ARHGEF10: variants seen among roughly 807,000 people sequenced by gnomAD.
ARHGEF10 encodes the protein Rho guanine nucleotide exchange factor (GEF) 10.
ARHGEF10 carries 140 observed loss-of-function variants against 147.4 expected under a neutral mutation model. The observed-to-expected ratio is 0.95, with a 90% confidence interval of 0.83 to 1.09. ARHGEF10 has a LOEUF of 1.09. Among genes scored for constraint, ARHGEF10 ranks in the 50% least tolerant of loss-of-function variants. ARHGEF10 has a pLI of 0.00. For missense variants in ARHGEF10, 2,222 were observed against 1,752.7 expected (o/e 1.27, Z -4.78); for synonymous variants, 902 against 695.8 (o/e 1.30, Z -4.67).
At position 1,923,419 on chromosome 8, in the gene ARHGEF10, C is replaced by T. The variant is rs780617536; in HGVS notation, c.2260-49C>T. The T allele has an allele frequency of 4.3e-6, 7 of 1,612,970 alleles. No homozygotes were observed. In the African/African-American group the frequency reaches 9.4e-5, roughly 22 times the overall value. ...TGTCTTTTTATCTTCCTTGGGATGGCCCTAGTTTTTAAACACTTTTGAAAT... is the reference window on the plus strand; with the variant it reads ...TGTCTTTTTATCTTCCTTGGGATGGTCCTAGTTTTTAAACACTTTTGAAAT... On this transcript the variant is annotated intron_variant, in intron 19 of 28. Coordinates refer to ENST00000349830, the MANE Select transcript of ARHGEF10 (RefSeq NM_014629.4).
In ARHGEF10 at chr8:1,824,429, G is replaced by T. The variant is rs538299700; in HGVS notation, c.-48+316G>T. Among the ~76,000 whole-genome samples, 1,122 of 152,094 alleles carry T rather than the reference G, an allele frequency of 7.4e-3. 19 individuals are homozygous for T. The highest frequency in any genetic ancestry group is 0.026 in the African/African-American group (1,083 of 41,450). Reference sequence around the variant, plus strand: ...GCGGAAGGAGCCCGAGGGGCGAGCTGGCTTCGCCTGGGGGGTCGTGCAGTA... The same window carrying T: ...GCGGAAGGAGCCCGAGGGGCGAGCTTGCTTCGCCTGGGGGGTCGTGCAGTA... On this transcript the variant is annotated intron_variant, in intron 1 of 28. Transcript: ENST00000349830.
intron 18 of ARHGEF10, among the ~76,000 whole-genome samples, chr8:1,921,486 G>C (rs1812285010): frequency 6.6e-6 from 1 of 152,208 alleles, no homozygotes; most frequent in African/African-American, 2.4e-5. Context: ...CCCAGCACTT[G>C]GGAGGCCGAG....
At chr8:1,923,199 C>A in intron 19 of ARHGEF10, 120 bp downstream of exon 19, 2 of 919,656 alleles carry the variant, frequency 2.2e-6, no homozygotes, top group Non-Finnish European at 1.7e-6. Flanking sequence ...AAAAATTAAT[C>A]TGAATGTACA....
intron 26 of ARHGEF10, among the ~76,000 whole-genome samples, chr8:1,944,823 G>A (rs549029041): frequency 4.6e-5 from 7 of 152,348 alleles, no homozygotes; most frequent in African/African-American, 1.4e-4. Context: ...ATCCCAGAGA[G>A]CCTGAACTCC....
chr8:1,869,295 G>A, intron 7 of ARHGEF10, 45 bp downstream of exon 7: 1 of 1,550,636 alleles, frequency 6.4e-7, no homozygotes, highest in Non-Finnish European at 8.9e-7. Context: ...CAGCTCAGCA[G>A]CCTTTCCCTC....
At chr8:1,827,563 C>T (rs1022111299) in intron 1 of ARHGEF10, among the ~76,000 whole-genome samples, 1 of 152,210 alleles carries the variant, frequency 6.6e-6, no homozygotes, top group African/African-American at 2.4e-5. Context: ...GCCTCAGCCT[C>T]CCAAAGCGCT....
chr8:1,894,862 G>C (rs997326039), intron 13 of ARHGEF10, among the ~76,000 whole-genome samples: 2 of 152,238 alleles, frequency 1.3e-5, no homozygotes, highest in African/African-American at 2.4e-5. Context: ...TGCCCCATTA[G>C]ACGATTTGCT....
chr8:1,926,381 A>C lies in ARHGEF10; in HGVS notation c.2615A>C (p.Glu872Ala). 2.5e-6 allele frequency: 4 copies of C among 1,613,612 alleles called. No homozygotes were observed. The highest frequency in any genetic ancestry group is 2.7e-5 in the African/African-American group (2 of 75,042). ...MVAKQQEFKI[E>A]CAAYNPEPYL... Reference sequence around the variant, plus strand: ...TTTGATTTTATTCCATTTTAGATTGAATGTGCTGCTTATAACCCTGAACCT... The same window carrying C: ...TTTGATTTTATTCCATTTTAGATTGCATGTGCTGCTTATAACCCTGAACCT... The change falls in exon 23 of 29, where the codon GAA becomes GCA. Residue 872 changes from glutamate (E) to alanine (A), a missense_variant. By Grantham distance (107) the Glu-to-Ala change is moderately radical. Transcript: ENST00000349830.
At chr8:1,829,895 C>T (rs1802985057) in intron 1 of ARHGEF10, among the ~76,000 whole-genome samples, 1 of 152,184 alleles carries the variant, frequency 6.6e-6, no homozygotes, top group African/African-American at 2.4e-5. Context: ...ATGCAGGTTT[C>T]TCCATGATTT....
chr8:1,878,528 G>T (rs759265125), intron 8 of ARHGEF10, among the ~76,000 whole-genome samples: 4 of 152,122 alleles, frequency 2.6e-5, no homozygotes, highest in Non-Finnish European at 5.9e-5. Flanking sequence ...GTGATATTTC[G>T]CTTGCTGTAG....
chr8:1,945,656 G>A lies in ARHGEF10; in HGVS notation c.3397+1G>A, dbSNP rs1814515200. 6.2e-7 allele frequency: 1 copy of A among 1,614,226 alleles called. No homozygotes were observed. The highest frequency in any genetic ancestry group is 8.5e-7 in the Non-Finnish European group (1 of 1,180,022). On this transcript the variant is annotated splice_donor_variant, in intron 27 of 28. Transcript: ENST00000349830. LOFTEE classifies it high-confidence loss of function. ...ACCCCTGTTCACAACATGCTGCCAGGTAAGGGGACGGGACGGGGCCCAGGG... is the reference window on the plus strand; with the variant it reads ...ACCCCTGTTCACAACATGCTGCCAGATAAGGGGACGGGACGGGGCCCAGGG...
In ARHGEF10 at chr8:1,957,376, C is replaced by T. The variant is rs964448743; in HGVS notation, c.*113C>T. On this transcript the variant is annotated 3_prime_UTR_variant, in exon 29 of 29. Transcript: ENST00000349830. ...ACACTGGTTGGGAATAAATTAAAAA[C>T]AGTATTTGGGGGAGAAACGTGCAAT... The T allele has an allele frequency of 1.5e-5, 22 of 1,460,092 alleles. No homozygotes were observed. The highest frequency in any genetic ancestry group is 1.9e-5 in the Non-Finnish European group (21 of 1,083,692). 90.4% of individuals were successfully genotyped at this position (1,460,092 alleles called of 1,614,324 possible). A position where few individuals can be genotyped will look rare whatever the true frequency, so the allele number is the denominator to read the frequency against.
chr8:1,826,137 TAAG>T (rs895150449), intron 1 of ARHGEF10: 2 of 1,593,508 alleles, frequency 1.3e-6, no homozygotes, highest in Non-Finnish European at 1.7e-6. Context: ...TTCTCAGCAG[TAAG>T]AAAAGTCATT....
chr8:1,929,988 C>T (rs1812994117), intron 25 of ARHGEF10, among the ~76,000 whole-genome samples: 1 of 152,214 alleles, frequency 6.6e-6, no homozygotes, highest in Non-Finnish European at 1.5e-5. Context: ...TGTCTGTTCT[C>T]TCTCCAGCCC....
intron 16 of ARHGEF10, 32 bp from the exon 17 acceptor site, chr8:1,905,539 T>C (rs1252981461): frequency 6.2e-7 from 1 of 1,614,122 alleles, no homozygotes; most frequent in Non-Finnish European, 8.5e-7. Flanking sequence ...TAAACTGAAC[T>C]GTGGTCCCTG....
In ARHGEF10 at chr8:1,957,877, A is replaced by C. The variant is rs1554520112; in HGVS notation, c.*614A>C. The C allele has an allele frequency of 6.6e-6, 1 of 152,288 alleles. No homozygotes were observed. Among genetic ancestry groups the C allele is most frequent in the Non-Finnish European group, 1.5e-5 (1 of 68,116 alleles). The allele number at this position is 152,288 out of a possible 1,614,324, so 9.4% of individuals were successfully genotyped here. A position where few individuals can be genotyped will look rare whatever the true frequency, so the allele number is the denominator to read the frequency against. ...GTACTGTATATTTTAACAAAGTAAT[A>C]TTTTTGTATTGCATTTTTCTATTAA... is the stretch of plus-strand genomic sequence containing the variant. On this transcript the variant is annotated 3_prime_UTR_variant, in exon 29 of 29. Transcript: ENST00000349830.
intron 1 of ARHGEF10, among the ~76,000 whole-genome samples, chr8:1,841,803 G>C (rs1804051392): frequency 2.6e-5 from 3 of 113,774 alleles, no homozygotes. Context: ...CTGAAACCTA[G>C]GAACTGGGGC....
intron 15 of ARHGEF10, among the ~76,000 whole-genome samples, chr8:1,900,351 G>A (rs891366266): frequency 6.6e-6 from 1 of 152,248 alleles, no homozygotes; most frequent in Admixed American, 6.5e-5. Context: ...CCGTCCTGGG[G>A]AGGTCGTTGT....
At chr8:1,920,473 T>C (rs11136441) in intron 18 of ARHGEF10, among the ~76,000 whole-genome samples, 147,359 of 152,114 alleles carry the variant, frequency 0.97, 71,411 homozygotes, top group Middle Eastern at 1. Flanking sequence ...CAGGCGCGCA[T>C]CACAATGCCT....
Sources: gnomAD v4.1 joint callset for allele counts (sites outside exome capture counted in the v4.1 genomes callset) on GRCh38, gnomAD v4.1.1 for gene constraint, MANE v1.5 for transcripts, NCBI Gene and HGNC (gene_info 2026-07-23, HGNC 2026-07-21) for gene names.